Variants in TMEM131 observed in about 807,000 individuals in gnomAD.
TMEM131 encodes the protein 2610524E03Rik.
TMEM131 carries 66 observed loss-of-function variants against 211.6 expected under a neutral mutation model. That is an observed-to-expected ratio of 0.31 (90% CI 0.26 to 0.38). The LOEUF (loss-of-function observed/expected upper bound fraction) is 0.38, where lower values mean the gene tolerates loss of function less well. Ranked by LOEUF, TMEM131 falls within the 10% of genes least tolerant of loss-of-function variation. The probability of loss-of-function intolerance (pLI) is 1.00; values close to 1 mark genes in which losing one functional copy is unlikely to be tolerated. For missense variants in TMEM131, 2,036 were observed against 2,299.3 expected (o/e 0.89, Z 2.34); for synonymous variants, 844 against 841.3 (o/e 1.00, Z -0.06).
At chr2:97,933,923 C>A (rs1677335245) in intron 1 of TMEM131, among the ~76,000 whole-genome samples, 1 of 152,088 alleles carries the variant, frequency 6.6e-6, no homozygotes, top group East Asian at 1.9e-4. Context: ...AGGTAATATC[C>A]TTCTTACCAG....
intron 2 of TMEM131, among the ~76,000 whole-genome samples, chr2:97,925,607 A>G (rs1676950234): frequency 1.3e-5 from 2 of 152,134 alleles, no homozygotes; most frequent in Admixed American, 1.3e-4. Flanking sequence ...TGCCGTGGAG[A>G]GTTTTGAAAT....
chr2:97,776,573 TCAG>T (rs1679743519), intron 31 of TMEM131, among the ~76,000 whole-genome samples: 1 of 152,232 alleles, frequency 6.6e-6, no homozygotes, highest in South Asian at 2.1e-4. Context: ...AGGGTACAGT[TCAG>T]TGAGTTTGGA....
chr2:97,982,991 T>C (rs1000512990), intron 1 of TMEM131, among the ~76,000 whole-genome samples: 6 of 152,132 alleles, frequency 3.9e-5, no homozygotes, highest in South Asian at 2.1e-4. Context: ...TTAGTAATAA[T>C]ATGAACCTGT....
At chr2:97,952,090 G>C (rs896218990) in intron 1 of TMEM131, among the ~76,000 whole-genome samples, 1 of 151,872 alleles carries the variant, frequency 6.6e-6, no homozygotes, top group Non-Finnish European at 1.5e-5. Flanking sequence ...CCGGGAGGCG[G>C]AGGGTGCAGT....
intron 4 of TMEM131, among the ~76,000 whole-genome samples, chr2:97,868,158 G>A (rs1345930898): frequency 6.6e-6 from 1 of 152,090 alleles, no homozygotes; most frequent in Non-Finnish European, 1.5e-5. Context: ...CTATATTTAT[G>A]TAATATCCCC....
intron 2 of TMEM131, among the ~76,000 whole-genome samples, chr2:97,922,078 G>T (rs1220496611): frequency 1.3e-5 from 2 of 152,184 alleles, no homozygotes; most frequent in African/African-American, 4.8e-5. Context: ...CCATGGATGG[G>T]GGGTTAGCGG....
Position 97,875,093 on chromosome 2 carries a change from C to T in TMEM131, c.359+12959G>A, listed in dbSNP as rs1265421675. Among the ~76,000 whole-genome samples, 4 of 152,016 alleles carry T rather than the reference C, an allele frequency of 2.6e-5. No individual in the cohort carries two copies. In the East Asian group the frequency reaches 7.7e-4, roughly 29 times the overall value. ...AATCTCTGATAAAACAGACTTTAAA[C>T]CAACAAAGATCAAAAGAGACAAAGA... On this transcript the variant is annotated intron_variant, in intron 4 of 40. Transcript: ENST00000186436.
At chr2:97,957,201 T>C (rs1380787211) in intron 1 of TMEM131, among the ~76,000 whole-genome samples, 2 of 151,796 alleles carry the variant, frequency 1.3e-5, no homozygotes, top group East Asian at 1.9e-4. Flanking sequence ...AGGAAAAAAA[T>C]TGAAAGACAC....
chr2:97,836,746 A>AT (rs1559390985), intron 8 of TMEM131, among the ~76,000 whole-genome samples: 1 of 152,090 alleles, frequency 6.6e-6, no homozygotes, highest in Non-Finnish European at 1.5e-5. Context: ...AATCATTTAC[A>AT]TTTTTTTATG....
chr2:97,812,549 T>C lies in TMEM131; in HGVS notation c.1735A>G (p.Ile579Val), dbSNP rs972533717. Residue 579 changes from isoleucine to valine, a missense_variant, in exon 17 of 41, where the codon ATA (isoleucine) becomes GTA (valine). Ile to Val is a conservative substitution (Grantham distance 29, BLOSUM62 3). Around this residue, in one of 3 missense-constraint regions of TMEM131, gnomAD observed 1,623 missense variants for 1,805.9 expected, o/e 0.90. Coordinates refer to ENST00000186436, the MANE Select transcript of TMEM131 (RefSeq NM_015348.2). Reference protein sequence around the residue: ...IINSNPIELAIKSWHIIGDGL... With the variant: ...IINSNPIELAVKSWHIIGDGL... Reference sequence around the variant, plus strand: ...TCTCCTATGATATGCCAACTTTTTATAGCCAACTTTAAAAAAAGATATGAA... The same window carrying C: ...TCTCCTATGATATGCCAACTTTTTACAGCCAACTTTAAAAAAAGATATGAA... 6.3e-7 allele frequency: 1 copy of C among 1,599,684 alleles called. No individual in the cohort carries two copies. Among genetic ancestry groups the C allele is most frequent in the Non-Finnish European group, 8.5e-7 (1 of 1,175,904 alleles).
chr2:97,854,849 C>T (rs1673772215), intron 5 of TMEM131, among the ~76,000 whole-genome samples: 1 of 152,172 alleles, frequency 6.6e-6, no homozygotes, highest in Non-Finnish European at 1.5e-5. Context: ...ACCTCACGCC[C>T]TTCGAGTCTT....
intron 6 of TMEM131, 116 bp from the exon 7 acceptor site, chr2:97,842,053 A>G: frequency 9.7e-7 from 1 of 1,034,840 alleles, no homozygotes; most frequent in Non-Finnish European, 1.3e-6. Flanking sequence ...AAAAATTAAC[A>G]ATCCCTTTAT....
Position 97,842,852 on chromosome 2 carries a change from C to T in TMEM131, c.601-915G>A, listed in dbSNP as rs115663470. 4.9e-3 allele frequency among the ~76,000 whole-genome samples: 747 copies of T among 152,234 alleles called. 3 individuals are homozygous for T. The highest frequency in any genetic ancestry group is 0.017 in the African/African-American group (698 of 41,516). Reference sequence around the variant, plus strand: ...TATGATAGTCTTTTCATTTACTCAACACGTACATGCTAAATGGGTAAGATC... The same window carrying T: ...TATGATAGTCTTTTCATTTACTCAATACGTACATGCTAAATGGGTAAGATC... On this transcript the variant is annotated intron_variant, in intron 6 of 40. Transcript: ENST00000186436.
chr2:97,811,115 A>C lies in TMEM131; in HGVS notation c.1968+13T>G. 1 of 1,591,632 alleles carries C rather than the reference A, an allele frequency of 6.3e-7. No homozygotes were observed. Among genetic ancestry groups the C allele is most frequent in the Non-Finnish European group, 8.6e-7 (1 of 1,159,686 alleles). Reference sequence around the variant, plus strand: ...AAAAACCCCACTGCCATGAATCCCCATAAAGTCCTTACCTCATAGTCTGTT... The same window carrying C: ...AAAAACCCCACTGCCATGAATCCCCCTAAAGTCCTTACCTCATAGTCTGTT... On this transcript the variant is annotated intron_variant, in intron 18 of 40. Coordinates refer to ENST00000186436, the MANE Select transcript of TMEM131 (RefSeq NM_015348.2).
intron 5 of TMEM131, among the ~76,000 whole-genome samples, chr2:97,847,192 A>C (rs1683492038): frequency 6.6e-6 from 1 of 152,052 alleles, no homozygotes; most frequent in Non-Finnish European, 1.5e-5. Flanking sequence ...GGTCTCAAAA[A>C]TAAAGTGCAA....
chr2:97,957,150 T>C (rs566048956), intron 1 of TMEM131, among the ~76,000 whole-genome samples: 13 of 150,908 alleles, frequency 8.6e-5, no homozygotes, highest in African/African-American at 3.2e-4. Context: ...TGAAGTTAAA[T>C]GTTTGAATAA....
intron 2 of TMEM131, among the ~76,000 whole-genome samples, chr2:97,914,952 A>C (rs553682747): frequency 7.9e-5 from 12 of 152,354 alleles, no homozygotes; most frequent in African/African-American, 2.4e-4. Context: ...CGAAACTGCC[A>C]AACTGTTTTT....
chr2:97,870,040 G>A (rs1368724062), intron 4 of TMEM131, among the ~76,000 whole-genome samples: 1 of 152,116 alleles, frequency 6.6e-6, no homozygotes, highest in Admixed American at 6.6e-5. Context: ...AAAGCAGCAC[G>A]AAGAAACTCT....
At chr2:97,759,356 T>C (rs1288587683) in intron 39 of TMEM131, 2 of 528,610 alleles carry the variant, frequency 3.8e-6, no homozygotes, top group East Asian at 3.1e-5. Context: ...AGAGGACCCC[T>C]GGCACACTCA....
Sources: gnomAD v4.1 joint callset for allele counts (sites outside exome capture counted in the v4.1 genomes callset) on GRCh38, gnomAD v4.1.1 for gene constraint, gnomAD v4.1.1 regional missense constraint, MANE v1.5 for transcripts, NCBI Gene and HGNC (gene_info 2026-07-23, HGNC 2026-07-21) for gene names.